Variants in PCDH15 observed in about 807,000 individuals in gnomAD.
PCDH15 encodes protocadherin-15.
A neutral mutation model predicts 178.5 loss-of-function variants in PCDH15; 129 were observed. That is an observed-to-expected ratio of 0.72 (90% CI 0.63 to 0.84). The LOEUF is 0.84. PCDH15 is among the 40% of genes least tolerant of loss of function. PCDH15 has a pLI of 0.00. For missense variants in PCDH15, 2,230 were observed against 2,099.9 expected, an observed-to-expected ratio of 1.06 and a Z score of -1.21; for synonymous variants, 800 against 732.0, an observed-to-expected ratio of 1.09 and a Z score of -1.50.
At chr10:54,690,881 A>G (rs970923870) in intron 1 of PCDH15, among the ~76,000 whole-genome samples, 2 of 152,136 alleles carry the variant, frequency 1.3e-5, no homozygotes, top group African/African-American at 2.4e-5. Flanking sequence ...TTGAAGGTCA[A>G]TGAGCAAAAT....
At chr10:54,784,349 A>G (rs1015279925) in intron 1 of PCDH15, among the ~76,000 whole-genome samples, 4 of 141,260 alleles carry the variant, frequency 2.8e-5, no homozygotes, top group African/African-American at 1.0e-4. Context: ...AAAAAAAAAA[A>G]GCAAGAGAAA....
chr10:54,460,749 GA>G (rs1240782388), intron 3 of PCDH15, among the ~76,000 whole-genome samples: 3 of 152,040 alleles, frequency 2.0e-5, no homozygotes, highest in African/African-American at 7.2e-5. Context: ...ATGAGATAAG[GA>G]AAATGGAGAA....
intron 18 of PCDH15, among the ~76,000 whole-genome samples, chr10:54,060,596 A>G (rs77860893): frequency 4.4e-4 from 67 of 152,300 alleles, no homozygotes; most frequent in African/African-American, 1.4e-3. Context: ...TATTATCTCC[A>G]TTTTGCGATA....
upstream of PCDH15, among the ~76,000 whole-genome samples, chr10:55,320,458 T>C (rs1277714580): frequency 6.6e-6 from 1 of 151,390 alleles, no homozygotes; most frequent in East Asian, 2.0e-4. Context: ...GCATGCACCC[T>C]GCCATGTTGC....
intron 2 of PCDH15, among the ~76,000 whole-genome samples, chr10:55,079,803 T>C (rs547931806): frequency 5.9e-5 from 9 of 152,228 alleles, no homozygotes; most frequent in Admixed American, 2.0e-4. Context: ...TTCAGGTTCA[T>C]GAGGAAAGTG....
intron 21 of PCDH15, among the ~76,000 whole-genome samples, chr10:53,980,620 G>T (rs751515941): frequency 6.6e-6 from 1 of 152,192 alleles, no homozygotes; most frequent in Non-Finnish European, 1.5e-5. Flanking sequence ...TGCTTCACAT[G>T]AGCTAAGTGT....
At chr10:54,326,322 T>C (rs1938081113) in intron 7 of PCDH15, among the ~76,000 whole-genome samples, 1 of 152,170 alleles carries the variant, frequency 6.6e-6, no homozygotes, top group Non-Finnish European at 1.5e-5. Context: ...TGAAAAATAA[T>C]ATAGCATTAT....
intron 1 of PCDH15, among the ~76,000 whole-genome samples, chr10:55,191,267 G>C (rs1401680006): frequency 3.3e-5 from 5 of 151,488 alleles, no homozygotes; most frequent in African/African-American, 1.2e-4. Flanking sequence ...AGCATGACTA[G>C]GATCACTTTT....
At chr10:53,839,595 T>C (rs2077517612) in intron 29 of PCDH15, among the ~76,000 whole-genome samples, 2 of 152,056 alleles carry the variant, frequency 1.3e-5, no homozygotes, top group South Asian at 4.1e-4. Flanking sequence ...TAACTAAAAA[T>C]GTTTCATTGA....
chr10:54,012,191 A>C (rs2092608262), intron 20 of PCDH15, among the ~76,000 whole-genome samples: 1 of 152,178 alleles, frequency 6.6e-6, no homozygotes, highest in African/African-American at 2.4e-5. Flanking sequence ...AGAATCAGAG[A>C]GCGTGAAGAC....
chr10:55,070,526 T>A (rs941667167), intron 2 of PCDH15, among the ~76,000 whole-genome samples: 25 of 152,224 alleles, frequency 1.6e-4, no homozygotes, highest in Admixed American at 5.2e-4. Flanking sequence ...CACCATTTTT[T>A]AAATAGGGAA....
chr10:55,352,148 A>T (rs10825500), intron 2 of PCDH15, among the ~76,000 whole-genome samples: 1 of 151,936 alleles, frequency 6.6e-6, no homozygotes, highest in Admixed American at 6.6e-5. Context: ...GTTGAAATTT[A>T]CCATTTGATA....
intron 2 of PCDH15, among the ~76,000 whole-genome samples, chr10:55,493,964 T>C (rs190620714): frequency 2.0e-5 from 3 of 151,882 alleles, no homozygotes; most frequent in Non-Finnish European, 4.4e-5. Flanking sequence ...ATGATTTTCA[T>C]ATTTGACAAG....
chr10:53,986,762 T>C (rs1279756285), intron 21 of PCDH15, among the ~76,000 whole-genome samples: 1 of 152,180 alleles, frequency 6.6e-6, no homozygotes, highest in Non-Finnish European at 1.5e-5. Context: ...ACATGAGATA[T>C]CTAAAATAGT....
At chr10:54,841,842 CAGAT>C (rs1410332203) in intron 3 of PCDH15, among the ~76,000 whole-genome samples, 1 of 151,728 alleles carries the variant, frequency 6.6e-6, no homozygotes. Flanking sequence ...TCATTTTAAA[CAGAT>C]AGATCTGTAG....
intron 32 of PCDH15, among the ~76,000 whole-genome samples, chr10:53,826,148 A>T (rs558702239): frequency 1.3e-5 from 2 of 149,810 alleles, no homozygotes; most frequent in Admixed American, 1.3e-4. Flanking sequence ...AATTAATTAC[A>T]AAAGAAACAA....
At chr10:54,315,446 T>C (rs531998887) in intron 8 of PCDH15, among the ~76,000 whole-genome samples, 15 of 152,330 alleles carry the variant, frequency 9.8e-5, no homozygotes, top group African/African-American at 3.1e-4. Context: ...GTCAGATGCA[T>C]AGTTTGCAAA....
At chr10:55,503,944 A>G (rs542092878) in intron 2 of PCDH15, among the ~76,000 whole-genome samples, 6 of 151,614 alleles carry the variant, frequency 4.0e-5, no homozygotes, top group Admixed American at 2.0e-4. Context: ...TACATACTCT[A>G]TGATTCCAAC....
chr10:54,236,948 G>A lies in PCDH15; in HGVS notation c.877-17C>T. The A allele has an allele frequency of 1.3e-6, 2 of 1,587,646 alleles. No homozygotes were observed. Among genetic ancestry groups the A allele is most frequent in the Non-Finnish European group, 8.6e-7 (1 of 1,156,086 alleles). ...CAGTTCTTCCTGAAAAAAAAATTAAGAGAGTTTCATTCAGCCGCATTACTA... is the reference window on the plus strand; with the variant it reads ...CAGTTCTTCCTGAAAAAAAAATTAAAAGAGTTTCATTCAGCCGCATTACTA... On this transcript the variant is annotated splice_polypyrimidine_tract_variant and intron_variant, in intron 8 of 37. Coordinates refer to ENST00000644397, the MANE Select transcript of PCDH15 (RefSeq NM_001384140.1).
Sources: gnomAD v4.1 joint callset for allele counts (sites outside exome capture counted in the v4.1 genomes callset) on GRCh38, gnomAD v4.1.1 for gene constraint, MANE v1.5 for transcripts, NCBI Gene and HGNC (gene_info 2026-07-23, HGNC 2026-07-21) for gene names.